ADGRV1: variants seen among roughly 807,000 people sequenced by gnomAD.
ADGRV1 encodes G-protein coupled receptor 98.
Under a neutral mutation model 596.2 loss-of-function variants are expected in ADGRV1, and 359 were observed. That is an observed-to-expected ratio of 0.60 (90% CI 0.55 to 0.66). ADGRV1 has a LOEUF of 0.66. ADGRV1 is among the 30% of genes least tolerant of loss of function. The pLI is 0.00. For synonymous variants in ADGRV1, 2,681 were observed against 2,679.2 expected (o/e 1.00, Z -0.02); for missense variants, 7,274 against 7,575.6 (o/e 0.96, Z 1.48).
intron 85 of ADGRV1, among the ~76,000 whole-genome samples, chr5:91,010,436 C>G (rs959193072): frequency 1.3e-5 from 2 of 151,992 alleles, no homozygotes; most frequent in Non-Finnish European, 2.9e-5. Context: ...TTTGTTTGGC[C>G]TGTGCAGGCA....
intron 77 of ADGRV1, among the ~76,000 whole-genome samples, chr5:90,831,878 T>C (rs1218466849): frequency 6.6e-6 from 1 of 152,162 alleles, no homozygotes; most frequent in African/African-American, 2.4e-5. Context: ...AACCTCCAGT[T>C]CCATCCATGT....
intron 22 of ADGRV1, among the ~76,000 whole-genome samples, chr5:90,673,434 G>T (rs1251120069): frequency 6.6e-6 from 1 of 152,152 alleles, no homozygotes; most frequent in Non-Finnish European, 1.5e-5. Flanking sequence ...TGCATGTATA[G>T]GCTACTGTCA....
chr5:90,767,471 T>C (rs1757263715), intron 59 of ADGRV1, among the ~76,000 whole-genome samples: 1 of 152,096 alleles, frequency 6.6e-6, no homozygotes, highest in South Asian at 2.1e-4. Context: ...ATATTGAAAA[T>C]TGTAAGAGAC....
chr5:90,889,687 C>T (rs1770628438), intron 83 of ADGRV1, among the ~76,000 whole-genome samples: 1 of 151,714 alleles, frequency 6.6e-6, no homozygotes, highest in Admixed American at 6.6e-5. Flanking sequence ...TTTTTTTGTG[C>T]ATAATTTGTT....
At chr5:91,042,613 G>A (rs952117547) in intron 85 of ADGRV1, among the ~76,000 whole-genome samples, 2 of 152,078 alleles carry the variant, frequency 1.3e-5, no homozygotes, top group Non-Finnish European at 2.9e-5. Flanking sequence ...GTGTACACGT[G>A]CCATGGTGGT....
At position 90,644,247 on chromosome 5, in the gene ADGRV1, C is replaced by T. The variant is rs192845630; in HGVS notation, c.2734+264C>T. 2.6e-3 allele frequency among the ~76,000 whole-genome samples: 395 copies of T among 152,218 alleles called. 2 individuals carry two copies. Among genetic ancestry groups the T allele is most frequent in the African/African-American group, 8.5e-3 (351 of 41,536 alleles). On this transcript the variant is annotated intron_variant, in intron 14 of 89. Coordinates refer to ENST00000405460, the MANE Select transcript of ADGRV1 (RefSeq NM_032119.4). ...CAACTCAAACACTCAAGAATGAGTC[C>T]ATCCAAATAGCGAGAACCTTAAAAC...
chr5:90,974,707 G>T (rs1386113859), intron 84 of ADGRV1, among the ~76,000 whole-genome samples: 2 of 152,120 alleles, frequency 1.3e-5, no homozygotes, highest in African/African-American at 2.4e-5. Flanking sequence ...ATTCAAGATG[G>T]ATTAAAGACT....
rs544917632 is a variant in ADGRV1, at chr5:90,778,081, C to T, written c.12666+38C>T. On this transcript the variant is annotated intron_variant, in intron 62 of 89. Transcript: ENST00000405460. ...GCTGGTTTCTTTTATGCCCTTTACT[C>T]TCTGTGCTGGTGTGTGCACATGTGT... 1.2e-5 allele frequency: 19 copies of T among 1,541,942 alleles called. No homozygotes were observed. The East Asian group carries it at 3.7e-4, about 30-fold the overall frequency.
intron 26 of ADGRV1, among the ~76,000 whole-genome samples, chr5:90,680,210 C>T (rs759117963): frequency 2.6e-5 from 4 of 151,894 alleles, no homozygotes; most frequent in African/African-American, 7.3e-5. Flanking sequence ...ATTAGCCAAG[C>T]GTGGTGGCAT....
intron 1 of ADGRV1, among the ~76,000 whole-genome samples, chr5:90,560,804 T>C (rs961147082): frequency 2.6e-5 from 4 of 152,170 alleles, no homozygotes; most frequent in Admixed American, 2.6e-4. Context: ...TCATATGAGA[T>C]ATATTTGTAA....
intron 81 of ADGRV1, among the ~76,000 whole-genome samples, chr5:90,855,175 A>G (rs573204229): frequency 2.0e-5 from 3 of 152,200 alleles, no homozygotes; most frequent in African/African-American, 7.2e-5. Flanking sequence ...TGCTAAAATT[A>G]TGACATGGTT....
chr5:90,639,086 A>ACACACACACGCTCGCG (rs896417841), intron 11 of ADGRV1, among the ~76,000 whole-genome samples: 5 of 151,672 alleles, frequency 3.3e-5, no homozygotes, highest in African/African-American at 1.2e-4. Context: ...ACACACACAC[A>ACACACACACGCTCGCG]CACACACACA....
chr5:90,635,147 C>G lies in ADGRV1; in HGVS notation c.1873C>G (p.Leu625Val). Residue 625 changes from leucine (L) to valine (V), a missense_variant, in exon 10 of 90, where the codon CTA (leucine) becomes GTA (valine). Transcript: ENST00000405460. ...TGTGGAGTTGTTAAACATAATTCCTCTAATCCCACCCATAAGCCCTAGATT... is the reference window on the plus strand; with the variant it reads ...TGTGGAGTTGTTAAACATAATTCCTGTAATCCCACCCATAAGCCCTAGATT... ...ETVELLNIIP[L>V]IPPISPRFGE... 6.2e-7 allele frequency: 1 copy of G among 1,606,606 alleles called. No individual in the cohort carries two copies. Among genetic ancestry groups the G allele is most frequent in the Non-Finnish European group, 8.5e-7 (1 of 1,173,462 alleles).
chr5:90,948,208 C>T (rs778514556), intron 83 of ADGRV1, among the ~76,000 whole-genome samples: 4 of 151,944 alleles, frequency 2.6e-5, no homozygotes, highest in Non-Finnish European at 5.9e-5. Context: ...AATTTGAATC[C>T]AGGAGTCTGG....
intron 85 of ADGRV1, among the ~76,000 whole-genome samples, chr5:91,046,466 G>A (rs747854829): frequency 1.3e-5 from 2 of 152,132 alleles, no homozygotes; most frequent in Non-Finnish European, 2.9e-5. Flanking sequence ...TCACATGTAG[G>A]AGGATGAAAC....
At chr5:91,074,247 G>T (rs184023488) in intron 86 of ADGRV1, among the ~76,000 whole-genome samples, 2 of 152,084 alleles carry the variant, frequency 1.3e-5, no homozygotes, top group African/African-American at 4.8e-5. Context: ...CCTCATGGGG[G>T]TTTGGTGTAC....
intron 85 of ADGRV1, among the ~76,000 whole-genome samples, chr5:91,046,899 A>G (rs1785869577): frequency 1.3e-5 from 2 of 152,244 alleles, no homozygotes; most frequent in African/African-American, 4.8e-5. Flanking sequence ...CAAGTGGCCA[A>G]CAAACATATG....
intron 87 of ADGRV1, among the ~76,000 whole-genome samples, chr5:91,103,816 G>A (rs1018852629): frequency 4.6e-5 from 7 of 152,116 alleles, no homozygotes; most frequent in African/African-American, 1.4e-4. Flanking sequence ...ATAAATGAGT[G>A]TATGGTTAGA....
intron 87 of ADGRV1, among the ~76,000 whole-genome samples, chr5:91,104,860 CTTTTT>C (rs60957930): frequency 7.9e-6 from 1 of 125,996 alleles, no homozygotes; most frequent in Non-Finnish European, 1.6e-5. Context: ...CTTTTCTTTT[CTTTTT>C]TTTTTTTTTT....
Sources: gnomAD v4.1 joint callset for allele counts (sites outside exome capture counted in the v4.1 genomes callset) on GRCh38, gnomAD v4.1.1 for gene constraint, MANE v1.5 for transcripts, NCBI Gene and HGNC (gene_info 2026-07-23, HGNC 2026-07-21) for gene names.